Variants in DEPDC5 observed in about 807,000 individuals in gnomAD.
The protein encoded by DEPDC5 is DEP domain containing 5, GATOR1 subcomplex subunit, also known as GATOR1 complex protein DEPDC5.
Under a neutral mutation model 217.3 loss-of-function variants are expected in DEPDC5, and 73 were observed. The observed-to-expected ratio is 0.34, with a 90% CI of 0.28 to 0.41. The LOEUF is 0.41. DEPDC5 is among the 10% of genes least tolerant of loss of function. The pLI is 1.00. For synonymous variants in DEPDC5, 733 were observed against 756.7 expected, an observed-to-expected ratio of 0.97 and a Z score of 0.51; for missense variants, 1,675 against 2,070.1, an observed-to-expected ratio of 0.81 and a Z score of 3.70.
intron 8 of DEPDC5, among the ~76,000 whole-genome samples, chr22:31,781,074 G>A (rs955154585): frequency 1.3e-5 from 2 of 152,004 alleles, no homozygotes; most frequent in African/African-American, 4.8e-5. Context: ...AAATTAACTG[G>A]GCTTGGTGGT....
chr22:31,818,501 C>G (rs1288447613), intron 21 of DEPDC5, among the ~76,000 whole-genome samples: 2 of 152,270 alleles, frequency 1.3e-5, no homozygotes, highest in African/African-American at 2.4e-5. Context: ...CATATAATTT[C>G]TACCTGGCCA....
intron 21 of DEPDC5, chr22:31,817,524 T>C (rs2089265316): frequency 7.0e-6 from 3 of 430,754 alleles, no homozygotes; most frequent in Non-Finnish European, 1.4e-5. Context: ...GTTCTCACTC[T>C]GTTGCCCAGG....
chr22:31,813,285 C>G (rs1174209419), intron 20 of DEPDC5, among the ~76,000 whole-genome samples: 1 of 152,062 alleles, frequency 6.6e-6, no homozygotes, highest in Non-Finnish European at 1.5e-5. Flanking sequence ...TTTAAAAATG[C>G]TCTCATAGTT....
chr22:31,755,050 T>C, intron 2 of DEPDC5, 71 bp downstream of exon 2: 1 of 1,562,314 alleles, frequency 6.4e-7, no homozygotes, highest in South Asian at 1.1e-5. Context: ...ACCTAGAAAT[T>C]ACACACTGAC....
intron 33 of DEPDC5, among the ~76,000 whole-genome samples, chr22:31,861,642 T>C (rs1003489185): frequency 6.6e-6 from 1 of 152,206 alleles, no homozygotes. Context: ...GAAGAACATA[T>C]GATTGTACCA....
intron 38 of DEPDC5, among the ~76,000 whole-genome samples, chr22:31,880,975 A>T (rs570176575): frequency 6.7e-6 from 1 of 150,368 alleles, no homozygotes; most frequent in African/African-American, 2.5e-5. Context: ...AGATCGCGCC[A>T]CTGTACTCCA....
chr22:31,822,522 C>T (rs1474483191), intron 23 of DEPDC5, among the ~76,000 whole-genome samples, 171 bp from the exon 24 acceptor site: 5 of 152,160 alleles, frequency 3.3e-5, no homozygotes, highest in Admixed American at 2.6e-4. Context: ...ACAAACTAAG[C>T]ACTGTGGCCT....
At chr22:31,898,986 G>A (rs2041300002) in intron 40 of DEPDC5, among the ~76,000 whole-genome samples, 1 of 152,190 alleles carries the variant, frequency 6.6e-6, no homozygotes, top group South Asian at 2.1e-4. Context: ...AGCAGCTCCT[G>A]GTACTATTGT....
intron 10 of DEPDC5, among the ~76,000 whole-genome samples, chr22:31,788,296 C>CA (rs2085236528): frequency 9.3e-6 from 1 of 107,434 alleles, no homozygotes; most frequent in Non-Finnish European, 1.7e-5. Flanking sequence ...TTTTTTGAGA[C>CA]AGAGTCTCGC....
chr22:31,830,570 A>G (rs1182777273), intron 24 of DEPDC5, among the ~76,000 whole-genome samples: 1 of 152,106 alleles, frequency 6.6e-6, no homozygotes, highest in African/African-American at 2.4e-5. Context: ...ATATTTGCTT[A>G]AAAGCATAAT....
At chr22:31,877,261 C>T (rs1306636156) in intron 37 of DEPDC5, among the ~76,000 whole-genome samples, 1 of 149,552 alleles carries the variant, frequency 6.7e-6, no homozygotes, top group Non-Finnish European at 1.5e-5. Context: ...CACGATGAAA[C>T]CCCACCTCTA....
intron 39 of DEPDC5, among the ~76,000 whole-genome samples, chr22:31,896,351 G>A (rs2149391820): frequency 6.6e-6 from 1 of 152,226 alleles, no homozygotes; most frequent in African/African-American, 2.4e-5. Flanking sequence ...AGAGATCTCG[G>A]CTTTTTGTTG....
chr22:31,877,154 G>A (rs115874983), intron 37 of DEPDC5, among the ~76,000 whole-genome samples: 2,227 of 151,734 alleles, frequency 0.015, 52 homozygotes, highest in African/African-American at 0.052. Context: ...AACAACAGCC[G>A]GCTGGGCACT....
intron 10 of DEPDC5, 52 bp from the exon 11 acceptor site, chr22:31,791,981 A>G (rs1012383700): frequency 1.9e-6 from 2 of 1,034,750 alleles, no homozygotes; most frequent in South Asian, 2.6e-5. Flanking sequence ...TCTGCTTCAT[A>G]GTGAAGTAAA....
Position 31,878,976 on chromosome 22 carries a change from GAGATCGTGCCATCGCA to G in DEPDC5, c.3806-548_3806-533del, listed in dbSNP as rs2093083820. ...TGGGAGGCAGAGGTTGCAGTAAGCTGAGATCGTGCCATCGCACCACTCCAGCCTGGGCGACAGAGCG... is the reference window on the plus strand; with the variant it reads ...TGGGAGGCAGAGGTTGCAGTAAGCTGCCACTCCAGCCTGGGCGACAGAGCG... On this transcript the variant is annotated intron_variant, in intron 37 of 42. Coordinates refer to ENST00000651528, the MANE Select transcript of DEPDC5 (RefSeq NM_001242896.3). Among the ~76,000 whole-genome samples, 15 of 145,934 alleles carry G rather than the reference GAGATCGTGCCATCGCA, an allele frequency of 1.0e-4. No homozygotes were observed. The South Asian group carries it at 3.2e-3, about 31-fold the overall frequency.
At chr22:31,766,296 T>G (rs1488278276) in intron 5 of DEPDC5, among the ~76,000 whole-genome samples, 1 of 152,190 alleles carries the variant, frequency 6.6e-6, no homozygotes, top group Non-Finnish European at 1.5e-5. Context: ...CATAGGTAAG[T>G]GTCATGTTTG....
chr22:31,817,520 A>C, intron 21 of DEPDC5: 1 of 429,990 alleles, frequency 2.3e-6, no homozygotes, highest in Non-Finnish European at 4.6e-6. Flanking sequence ...ACAGGTTCTC[A>C]CTCTGTTGCC....
chr22:31,835,053 G>A (rs577667727), intron 25 of DEPDC5, among the ~76,000 whole-genome samples: 6 of 152,342 alleles, frequency 3.9e-5, no homozygotes, highest in Non-Finnish European at 8.8e-5. Flanking sequence ...AGAACTTTGG[G>A]AGGCTGAGGT....
intron 30 of DEPDC5, 34 bp downstream of exon 30, chr22:31,845,271 G>T: frequency 6.3e-7 from 1 of 1,593,470 alleles, no homozygotes; most frequent in Non-Finnish European, 8.5e-7. Context: ...AGTGCGCCTG[G>T]TGTGAGATGC....
Sources: allele counts gnomAD v4.1 joint callset (sites outside exome capture counted in the v4.1 genomes callset), GRCh38; gene constraint gnomAD v4.1.1; transcripts MANE v1.5; gene names NCBI Gene and HGNC (gene_info 2026-07-23, HGNC 2026-07-21).